The following DLGAP3 variants were observed in gnomAD, a reference collection of about 807,000 sequenced individuals.
DLGAP3 encodes disks large-associated protein 3.
In DLGAP3, 17 loss-of-function variants were observed where a neutral mutation model predicts 81.2. The observed-to-expected ratio is 0.21, with a 90% CI of 0.14 to 0.31. DLGAP3 has a LOEUF of 0.31. Among genes scored for constraint, DLGAP3 ranks in the 10% least tolerant of loss-of-function variants. The probability of loss-of-function intolerance (pLI) is 1.00; values close to 1 mark genes in which losing one functional copy is unlikely to be tolerated. For synonymous variants in DLGAP3, 577 were observed against 587.4 expected (o/e 0.98, Z 0.26); for missense variants, 1,124 against 1,388.0 (o/e 0.81, Z 3.02).
At chr1:34,875,189 G>A (rs910685867) in intron 8 of DLGAP3, among the ~76,000 whole-genome samples, 12 of 152,166 alleles carry the variant, frequency 7.9e-5, no homozygotes, top group Non-Finnish European at 1.2e-4. Flanking sequence ...AGGCCTCAAG[G>A]GGCCATTCTT....
chr1:34,928,930 C>G (rs538937790), intron 1 of DLGAP3, among the ~76,000 whole-genome samples: 5 of 152,128 alleles, frequency 3.3e-5, no homozygotes, highest in Admixed American at 6.5e-5. Context: ...CACCCACTAA[C>G]ATGCACACAC....
In DLGAP3 at chr1:34,876,157, G is replaced by A. The variant is rs758977571; in HGVS notation, c.2001-7068C>T. On this transcript the variant is annotated intron_variant, in intron 8 of 11. Transcript: ENST00000373347. Reference sequence around the variant, plus strand: ...CTGTGGACAGATGAATCTTGGCGGGGGGGTGGGGGTGTGCAGTGGAGATAG... The same window carrying A: ...CTGTGGACAGATGAATCTTGGCGGGAGGGTGGGGGTGTGCAGTGGAGATAG... Among the ~76,000 whole-genome samples, 5 of 152,350 alleles carry A rather than the reference G, an allele frequency of 3.3e-5. No individual in the cohort carries two copies. The South Asian group carries it at 8.3e-4, about 25-fold the overall frequency.
chr1:34,886,805 T>C (rs957310203), intron 5 of DLGAP3, among the ~76,000 whole-genome samples: 2 of 150,928 alleles, frequency 1.3e-5, no homozygotes, highest in Admixed American at 1.3e-4. Flanking sequence ...ATATATATAC[T>C]ACATATATAC....
At chr1:34,894,286 A>T (rs1029651721) in intron 5 of DLGAP3, among the ~76,000 whole-genome samples, 25 of 148,518 alleles carry the variant, frequency 1.7e-4, no homozygotes, top group African/African-American at 6.1e-4. Context: ...AAAAACCATT[A>T]GATGCTGTCT....
rs772030972 is a variant in DLGAP3 at position 34,905,116 on chromosome 1, G to T, written c.268C>A (p.Pro90Thr). Residue 90 changes from proline (P) to threonine (T), a missense_variant, in exon 3 of 12, where the codon CCC becomes ACC. Pro to Thr is a conservative substitution (Grantham distance 38). Transcript: ENST00000373347. ...AGVGGGSSTF[P>T]RMYPGQGPFD... is the part of the protein sequence containing the mutation. ...GGGCCCTGGCCAGGGTACATCCTGG[G>T]GAAGGTGCTGCTACCCCCCCCAACC... 21 of 1,581,248 alleles carry T rather than the reference G, an allele frequency of 1.3e-5. No homozygotes were observed. The highest frequency in any genetic ancestry group is 3.4e-6 in the Non-Finnish European group (4 of 1,163,274).
chr1:34,910,967 C>T (rs557508136), intron 1 of DLGAP3, among the ~76,000 whole-genome samples: 11 of 151,366 alleles, frequency 7.3e-5, no homozygotes, highest in East Asian at 3.9e-4. Flanking sequence ...AAGATGCTTT[C>T]GTTTATGATA....
chr1:34,917,366 G>A (rs1447783036), intron 1 of DLGAP3, among the ~76,000 whole-genome samples: 1 of 120,704 alleles, frequency 8.3e-6, no homozygotes, highest in Non-Finnish European at 1.7e-5. Context: ...TTTTTTTTTC[G>A]AGATAGGGTT....
At chr1:34,915,978 C>G (rs1000281742) in intron 1 of DLGAP3, among the ~76,000 whole-genome samples, 1 of 152,128 alleles carries the variant, frequency 6.6e-6, no homozygotes, top group South Asian at 2.1e-4. Context: ...TCTCATACCT[C>G]TATTCCCCAC....
In DLGAP3 at chr1:34,929,640, C is replaced by A. The variant is rs1639926380; in HGVS notation, c.-324G>T. The A allele has an allele frequency of 6.6e-6, 1 of 151,194 alleles. No homozygotes were observed. The allele number at this position is 151,194 out of a possible 1,614,324, so 9.4% of individuals were successfully genotyped here. Reference sequence around the variant, plus strand: ...GGCGCGGGAGCGGGAGGCGGCCAAGCCACGGAGGCTGGATTTCCCGGGGAC... The same window carrying A: ...GGCGCGGGAGCGGGAGGCGGCCAAGACACGGAGGCTGGATTTCCCGGGGAC... On this transcript the variant is annotated 5_prime_UTR_variant, in exon 1 of 12. Coordinates refer to ENST00000373347, the MANE Select transcript of DLGAP3 (RefSeq NM_001080418.3). This position sits in a 1 kb window ranked among gnomAD's most constrained non-coding sequence, Gnocchi z 6.5.
intron 1 of DLGAP3, among the ~76,000 whole-genome samples, chr1:34,918,688 C>G (rs947711117): frequency 6.6e-6 from 1 of 152,208 alleles, no homozygotes; most frequent in African/African-American, 2.4e-5. Flanking sequence ...CAGGCACCAT[C>G]CCCGACTTGA....
chr1:34,886,557 G>A (rs1445028532), intron 5 of DLGAP3, among the ~76,000 whole-genome samples: 1 of 144,542 alleles, frequency 6.9e-6, no homozygotes. Flanking sequence ...CCTCTTCCAG[G>A]TGTCTGGCTG....
intron 4 of DLGAP3, 94 bp downstream of exon 4, chr1:34,899,974 G>A (rs994393260): frequency 1.3e-5 from 15 of 1,148,804 alleles, no homozygotes; most frequent in Non-Finnish European, 1.8e-5. Flanking sequence ...ACCTAAGCAG[G>A]ACTACCTGAC....
intron 8 of DLGAP3, among the ~76,000 whole-genome samples, chr1:34,870,213 T>G (rs1442663058): frequency 6.6e-6 from 1 of 152,010 alleles, no homozygotes; most frequent in Admixed American, 6.6e-5. Context: ...TTTCCCTGAA[T>G]TCAGAGTTCT....
In DLGAP3 at chr1:34,873,782, G is replaced by A. The variant is rs964099070; in HGVS notation, c.2001-4693C>T. On this transcript the variant is annotated intron_variant, in intron 8 of 11. Transcript: ENST00000373347. This position sits in a 1 kb window ranked among gnomAD's most constrained non-coding sequence, Gnocchi z 4.2. ...ATCATGGCTGGTTATTTGCATAAGT[G>A]TCTCCTCACTAAATAGGGCAGTTCA... is the stretch of plus-strand genomic sequence containing the variant. 6.6e-6 allele frequency among the ~76,000 whole-genome samples: 1 copy of A among 152,112 alleles called. No homozygotes were observed. Among genetic ancestry groups the A allele is most frequent in the Non-Finnish European group, 1.5e-5 (1 of 68,022 alleles).
intron 1 of DLGAP3, among the ~76,000 whole-genome samples, chr1:34,923,009 C>T (rs547087235): frequency 1.3e-5 from 2 of 152,008 alleles, no homozygotes; most frequent in Non-Finnish European, 2.9e-5. Context: ...CCTAGAGAAA[C>T]GAGTATTTCC....
rs1332633863 is a variant in DLGAP3 at position 34,929,102 on chromosome 1, C to G, written c.-135+349G>C. Among the ~76,000 whole-genome samples, 1 of 152,122 alleles carries G rather than the reference C, an allele frequency of 6.6e-6. No homozygotes were observed. The highest frequency in any genetic ancestry group is 1.9e-4 in the East Asian group (1 of 5,184). ...GAAACTTCTCTCCGGATCTCCCCAG[C>G]ACCACGACTTCCCCCACAACCAGCT... On this transcript the variant is annotated intron_variant, in intron 1 of 11. Coordinates refer to ENST00000373347, the MANE Select transcript of DLGAP3 (RefSeq NM_001080418.3). This position sits in a 1 kb window ranked among gnomAD's most constrained non-coding sequence, Gnocchi z 6.5.
intron 4 of DLGAP3, 129 bp from the exon 5 acceptor site, chr1:34,899,870 A>G: frequency 1.0e-6 from 1 of 990,724 alleles, no homozygotes; most frequent in Non-Finnish European, 1.6e-6. Context: ...CCCTTAGGAG[A>G]CCCTGGGTAA....
At chr1:34,892,259 A>T (rs6425921) in intron 5 of DLGAP3, among the ~76,000 whole-genome samples, 6,647 of 152,284 alleles carry the variant, frequency 0.044, 531 homozygotes, top group African/African-American at 0.15. Context: ...ATAATAAATG[A>T]TCAGTAAACA....
chr1:34,893,736 A>T (rs373901053), intron 5 of DLGAP3, among the ~76,000 whole-genome samples: 121 of 152,380 alleles, frequency 7.9e-4, no homozygotes, highest in African/African-American at 2.8e-3. Flanking sequence ...TCCTAGTGCA[A>T]TCACTAAGAA....
Sources: gnomAD v4.1 joint callset for allele counts (sites outside exome capture counted in the v4.1 genomes callset) on GRCh38, gnomAD v4.1.1 for gene constraint, Gnocchi (gnomAD v3.1) non-coding constraint, MANE v1.5 for transcripts, NCBI Gene and HGNC (gene_info 2026-07-23, HGNC 2026-07-21) for gene names.